FOXN3: variants seen among roughly 807,000 people sequenced by gnomAD.
FOXN3 encodes the protein forkhead box protein N3.
Under a neutral mutation model 38.4 loss-of-function variants are expected in FOXN3, and 7 were observed. The ratio of observed to expected loss-of-function variants is 0.18; its 90% CI spans 0.10 to 0.34. FOXN3 has a LOEUF of 0.34. FOXN3 is among the 10% of genes least tolerant of loss of function. The probability of loss-of-function intolerance (pLI) is 1.00; values close to 1 mark genes in which losing one functional copy is unlikely to be tolerated. For synonymous variants in FOXN3, 230 were observed against 242.2 expected, an observed-to-expected ratio of 0.95 and a Z score of 0.47; for missense variants, 456 against 613.4, an observed-to-expected ratio of 0.74 and a Z score of 2.71.
rs1432098034 is a variant in FOXN3, at chr14:89,513,308, C to T, written c.-14-100818G>A. Among the ~76,000 whole-genome samples, 3 of 151,852 alleles carry T rather than the reference C, an allele frequency of 2.0e-5. No individual in the cohort carries two copies. In the East Asian group the frequency reaches 5.8e-4, roughly 29 times the overall value. ...CATGACAGGGTCTCACTCTGTGGCC[C>T]AGGCTGGAGTGCAGTGGCCCAATCA... is the stretch of plus-strand genomic sequence containing the variant. On this transcript the variant is annotated intron_variant, in intron 1 of 6. Coordinates refer to the FOXN3 transcript ENST00000345097.
At chr14:89,168,950 A>T (rs764637548) in intron 5 of FOXN3, among the ~76,000 whole-genome samples, 1 of 152,264 alleles carries the variant, frequency 6.6e-6, no homozygotes, top group Non-Finnish European at 1.5e-5. Flanking sequence ...CAAGAGAGAA[A>T]ATAACTGTCG....
intron 1 of FOXN3, among the ~76,000 whole-genome samples, chr14:89,566,179 A>T (rs1244082978): frequency 6.6e-6 from 1 of 152,168 alleles, no homozygotes; most frequent in Non-Finnish European, 1.5e-5. Flanking sequence ...TCACCCATAC[A>T]CACTGTACTA....
chr14:89,495,348 A>T (rs1893658397), intron 1 of FOXN3, among the ~76,000 whole-genome samples: 1 of 152,222 alleles, frequency 6.6e-6, no homozygotes, highest in Non-Finnish European at 1.5e-5. Flanking sequence ...CCTAGAAAAG[A>T]TGAGCAAACT....
At chr14:89,485,142 A>C (rs1596293413) in intron 1 of FOXN3, among the ~76,000 whole-genome samples, 1 of 93,060 alleles carries the variant, frequency 1.1e-5, no homozygotes, top group Non-Finnish European at 2.5e-5. Flanking sequence ...ACAGAGCAAG[A>C]CTCTCTCAAA....
chr14:89,387,792 G>A (rs992198881), intron 2 of FOXN3, among the ~76,000 whole-genome samples: 3 of 152,234 alleles, frequency 2.0e-5, no homozygotes, highest in African/African-American at 7.2e-5. Context: ...AAGCCAGCAT[G>A]AACCATGTGC....
intron 4 of FOXN3, among the ~76,000 whole-genome samples, chr14:89,265,510 T>C (rs1184102572): frequency 6.6e-6 from 1 of 151,512 alleles, no homozygotes; most frequent in African/African-American, 2.4e-5. Flanking sequence ...GCCAGAGGAA[T>C]GAGAGTGACT....
chr14:89,284,301 T>C (rs1886549319), intron 3 of FOXN3: 2 of 360,660 alleles, frequency 5.5e-6, no homozygotes, highest in African/African-American at 2.1e-5. Flanking sequence ...TGAGGTACCA[T>C]GCCCGGCCAC....
At position 89,540,596 on chromosome 14, in the gene FOXN3, G is replaced by A. The variant is rs534052750; in HGVS notation, c.-15+78432C>T. On this transcript the variant is annotated intron_variant, in intron 1 of 6. Transcript: ENST00000345097. ...AAAAATACAAAAAAAAAATTTAGCC[G>A]AGCGTGGTCGCACGCACCTGTGGTC... Among the ~76,000 whole-genome samples, 187 of 152,092 alleles carry A rather than the reference G, an allele frequency of 1.2e-3. 1 individual carries two copies. Among genetic ancestry groups the A allele is most frequent in the African/African-American group, 4.3e-3 (179 of 41,504 alleles).
chr14:89,532,892 G>T (rs1894599920), intron 1 of FOXN3, among the ~76,000 whole-genome samples: 1 of 152,104 alleles, frequency 6.6e-6, no homozygotes, highest in Non-Finnish European at 1.5e-5. Context: ...GGTAACAAAG[G>T]TATACCTATA....
intron 1 of FOXN3, among the ~76,000 whole-genome samples, chr14:89,602,687 G>C (rs1225863458): frequency 6.6e-6 from 1 of 151,704 alleles, no homozygotes; most frequent in Non-Finnish European, 1.5e-5. Flanking sequence ...TAGTAGAGAC[G>C]GGGTTTCACC....
Position 89,374,290 on chromosome 14 carries a change from A to AAAAAAAG in FOXN3, c.544-23483_544-23482insCTTTTTT, listed in dbSNP as rs60304712. ...AAAAAAAAAAAAAAAAAAAAAAAAAAGAAGGAAGGAAAGGAAAAGAAAAAG... is the reference window on the plus strand; with the variant it reads ...AAAAAAAAAAAAAAAAAAAAAAAAAAAAAAAAGGAAGGAAGGAAAGGAAAAGAAAAAG... On this transcript the variant is annotated intron_variant, in intron 2 of 5. Transcript: ENST00000557258. 9.4e-4 allele frequency among the ~76,000 whole-genome samples: 119 copies of AAAAAAAG among 126,218 alleles called. 1 individual carries two copies. The highest frequency in any genetic ancestry group is 1.5e-3 in the African/African-American group (54 of 34,858). The allele number at this position is 126,218 out of a possible 152,430, so 82.8% of individuals were successfully genotyped here. A position where few individuals can be genotyped will look rare whatever the true frequency, so the allele number is the denominator to read the frequency against.
At chr14:89,440,197 T>A (rs911046222) in intron 1 of FOXN3, among the ~76,000 whole-genome samples, 1 of 152,174 alleles carries the variant, frequency 6.6e-6, no homozygotes, top group Non-Finnish European at 1.5e-5. Flanking sequence ...CTTCTTGGCC[T>A]GCCTACCCCT....
chr14:89,375,354 C>A (rs1337732389), intron 2 of FOXN3, among the ~76,000 whole-genome samples: 1 of 151,872 alleles, frequency 6.6e-6, no homozygotes, highest in African/African-American at 2.4e-5. Context: ...AAGAAGTACA[C>A]AAAATAACCT....
At chr14:89,409,772 G>A (rs1891492449) in intron 2 of FOXN3, among the ~76,000 whole-genome samples, 1 of 152,106 alleles carries the variant, frequency 6.6e-6, no homozygotes, top group Admixed American at 6.5e-5. Flanking sequence ...TTACAGAGGA[G>A]CAATGAATGT....
rs57430361 is a variant in FOXN3, at chr14:89,517,354, TAAAAAAAAA to T, written c.-15+101665_-15+101673del. Among the ~76,000 whole-genome samples the T allele has an allele frequency of 2.5e-4, 32 of 129,490 alleles. No individual in the cohort carries two copies. In the South Asian group the frequency reaches 4.7e-3, roughly 19 times the overall value. 85.0% of individuals were successfully genotyped at this position (129,490 alleles called of 152,430 possible). Reference sequence around the variant, plus strand: ...TGGGCGACAGAAAGAGACCCTGTCTTAAAAAAAAAAAAAAAAAAAAAAAAGGTTTAATTG... The same window carrying T: ...TGGGCGACAGAAAGAGACCCTGTCTTAAAAAAAAAAAAAAAGGTTTAATTG... On this transcript the variant is annotated intron_variant, in intron 1 of 6. Transcript: ENST00000345097.
intron 3 of FOXN3, among the ~76,000 whole-genome samples, chr14:89,345,368 A>C: frequency 6.6e-6 from 1 of 152,104 alleles, no homozygotes; most frequent in Non-Finnish European, 1.5e-5. Flanking sequence ...AAAAAAAAAA[A>C]AAGGAAAGAG....
At chr14:89,562,875 C>T (rs1463224800) in intron 1 of FOXN3, among the ~76,000 whole-genome samples, 3 of 152,120 alleles carry the variant, frequency 2.0e-5, no homozygotes, top group Non-Finnish European at 4.4e-5. Context: ...GGTTTAGAGC[C>T]AAAATCAACA....
intron 1 of FOXN3, among the ~76,000 whole-genome samples, chr14:89,444,419 C>T (rs1402338543): frequency 6.7e-6 from 1 of 149,272 alleles, no homozygotes; most frequent in East Asian, 2.0e-4. Flanking sequence ...AAATATTTCA[C>T]ATAAAAAAAA....
At chr14:89,415,619 A>C (rs1270931213) in intron 1 of FOXN3, among the ~76,000 whole-genome samples, 8 of 150,678 alleles carry the variant, frequency 5.3e-5, no homozygotes, top group Admixed American at 4.6e-4. Flanking sequence ...AAAAAAAAAA[A>C]AAAAAAAAAA....
Sources: gnomAD v4.1 joint callset for allele counts (sites outside exome capture counted in the v4.1 genomes callset) on GRCh38, gnomAD v4.1.1 for gene constraint, MANE v1.5 for transcripts, NCBI Gene and HGNC (gene_info 2026-07-23, HGNC 2026-07-21) for gene names.